Variants in ZNF335 observed in about 807,000 individuals in gnomAD.
ZNF335 encodes NRC-interacting factor 1.
ZNF335 carries 84 observed loss-of-function variants against 145.6 expected under a neutral mutation model. The ratio of observed to expected loss-of-function variants is 0.58; its 90% CI spans 0.48 to 0.69. The LOEUF (loss-of-function observed/expected upper bound fraction) is 0.69. Ranked by LOEUF, ZNF335 falls within the 30% of genes least tolerant of loss-of-function variation. The pLI is 0.00. For synonymous variants in ZNF335, 761 were observed against 717.0 expected, an observed-to-expected ratio of 1.06 and a Z score of -0.98; for missense variants, 1,865 against 1,809.7, an observed-to-expected ratio of 1.03 and a Z score of -0.55.
chr20:45,960,146 T>TCTGATCA, intron 14 of ZNF335, 62 bp downstream of exon 14: 1 of 1,585,074 alleles, frequency 6.3e-7, no homozygotes, highest in African/African-American at 1.3e-5. Context: ...GAGCTAAGCC[T>TCTGATCA]CTGATCAGGG....
intron 24 of ZNF335, 34 bp downstream of exon 24, chr20:45,949,766 C>T: frequency 6.2e-7 from 1 of 1,612,556 alleles, no homozygotes; most frequent in Non-Finnish European, 8.5e-7. Flanking sequence ...TAGGAGGTCA[C>T]AGCTGAGGGG....
Position 45,952,267 on chromosome 20 carries a change from G to A in ZNF335, c.3069C>T (p.Ile1023=). 1 of 1,613,508 alleles carries A rather than the reference G, an allele frequency of 6.2e-7. No individual in the cohort carries two copies. Among genetic ancestry groups the A allele is most frequent in the South Asian group, 1.1e-5 (1 of 91,082 alleles). ...TAASKKFSCK[I]CAEAFPGRAE... ...CTCGGCCAGGGAAGGCCTCGGCACAGATCTTGCAGGAAAACTTCTTTGATG... is the reference window on the plus strand; with the variant it reads ...CTCGGCCAGGGAAGGCCTCGGCACAAATCTTGCAGGAAAACTTCTTTGATG... The change falls in exon 20 of 28, where the codon ATC becomes ATT. Residue 1023 remains isoleucine, a synonymous_variant. Transcript: ENST00000322927.
At chr20:45,966,252 G>C (rs555912804) in intron 6 of ZNF335, among the ~76,000 whole-genome samples, 1 of 146,574 alleles carries the variant, frequency 6.8e-6, no homozygotes, top group Non-Finnish European at 1.5e-5. Context: ...TTTTTTTTTT[G>C]GTATTTTAGT....
intron 11 of ZNF335, 56 bp downstream of exon 11, chr20:45,960,808 C>A: frequency 1.2e-6 from 2 of 1,613,608 alleles, no homozygotes; most frequent in Non-Finnish European, 1.7e-6. Flanking sequence ...CTTGTCCTCA[C>A]CCCCATAAAC....
chr20:45,971,173 C>T (rs778451664), intron 2 of ZNF335, 37 bp downstream of exon 2: 60 of 1,488,628 alleles, frequency 4.0e-5, no homozygotes, highest in Non-Finnish European at 5.1e-5. Context: ...TGCTCGCGGT[C>T]CTTGCCTCCA....
intron 7 of ZNF335, chr20:45,964,281 C>T: frequency 2.8e-6 from 1 of 354,654 alleles, no homozygotes; most frequent in Non-Finnish European, 5.1e-6. Flanking sequence ...CTGTCACTGA[C>T]ATGCTGTGCA....
chr20:45,965,321 C>G (rs149180594), intron 7 of ZNF335, among the ~76,000 whole-genome samples: 2 of 152,214 alleles, frequency 1.3e-5, no homozygotes, highest in East Asian at 3.9e-4. Context: ...ACTTATTCCT[C>G]TCTTCTCATT....
chr20:45,950,636 A>T, intron 20 of ZNF335, 41 bp from the exon 21 acceptor site: 1 of 1,600,122 alleles, frequency 6.2e-7, no homozygotes, highest in Non-Finnish European at 8.6e-7. Flanking sequence ...CTGGGTCAGG[A>T]CAGATGGCAA....
chr20:45,952,458 G>A lies in ZNF335; in HGVS notation c.2878C>T (p.Pro960Ser). 1.3e-6 allele frequency: 2 copies of A among 1,563,538 alleles called. No individual in the cohort carries two copies. Among genetic ancestry groups the A allele is most frequent in the Non-Finnish European group, 1.7e-6 (2 of 1,151,782 alleles). ...PDALASGAKW[P>S]LLQCGGLPRD... ...GGCAGTCCCCCACACTGCAGCAGGG[G>A]CCATTTGGCACCAGAGGCCAGAGCA... The change falls in exon 20 of 28, where the codon CCC (proline) becomes TCC (serine). Residue 960 changes from proline (P) to serine (S), a missense_variant. Pro to Ser is a moderately conservative substitution (Grantham distance 74, BLOSUM62 -1). Coordinates refer to ENST00000322927, the MANE Select transcript of ZNF335 (RefSeq NM_022095.4).
intron 17 of ZNF335, among the ~76,000 whole-genome samples, chr20:45,954,768 T>C (rs1239415211): frequency 7.6e-6 from 1 of 130,772 alleles, no homozygotes; most frequent in Non-Finnish European, 1.6e-5. Context: ...GTCATACAAT[T>C]ACTTTTTTTT....
Position 45,957,595 on chromosome 20 carries a change from T to A in ZNF335, c.2433A>T (p.Thr811=), listed in dbSNP as rs2083752135. The part of the protein sequence containing the change: ...NMSAQRELGG[T]ALQVAVVKSE... ...TTCCCAGGCAGCTCACCTGCAGGGC[T>A]GTGCCCCCCAGTTCCCGCTGAGCAC... The change falls in exon 17 of 28, where the codon ACA becomes ACT. Residue 811 remains threonine (T), a synonymous_variant. Coordinates refer to ENST00000322927, the MANE Select transcript of ZNF335 (RefSeq NM_022095.4). 2 of 1,614,072 alleles carry A rather than the reference T, an allele frequency of 1.2e-6. No individual in the cohort carries two copies. Among genetic ancestry groups the A allele is most frequent in the Non-Finnish European group, 1.7e-6 (2 of 1,179,972 alleles).
chr20:45,949,900 A>T, intron 23 of ZNF335, 23 bp from the exon 24 acceptor site: 1 of 1,614,112 alleles, frequency 6.2e-7, no homozygotes, highest in Non-Finnish European at 8.5e-7. Context: ...AGACAGCTCT[A>T]GCCTCATTTC....
intron 2 of ZNF335, 117 bp from the exon 3 acceptor site, chr20:45,969,808 C>T (rs762485601): frequency 7.2e-7 from 1 of 1,398,508 alleles, no homozygotes; most frequent in Admixed American, 2.2e-5. Context: ...GTCAGTGGAG[C>T]CACTCATGCC....
At chr20:45,957,385 G>A (rs1027224425) in intron 17 of ZNF335, among the ~76,000 whole-genome samples, 6 of 152,182 alleles carry the variant, frequency 3.9e-5, no homozygotes, top group African/African-American at 1.4e-4. Context: ...GAGAATGGAC[G>A]GGATACCCTG....
chr20:45,960,441 G>A lies in ZNF335; in HGVS notation c.1859+8C>T. On this transcript the variant is annotated splice_region_variant and intron_variant, in intron 13 of 27. Transcript: ENST00000322927. ...CTCCCGTCCCCAGGGGCCTCCAAGG[G>A]GATGTACCTGCGGTTGGCAACAGCC... 6.2e-7 allele frequency: 1 copy of A among 1,614,180 alleles called. No homozygotes were observed. Among genetic ancestry groups the A allele is most frequent in the Non-Finnish European group, 8.5e-7 (1 of 1,180,020 alleles).
At chr20:45,967,417 G>A in intron 6 of ZNF335, 77 bp downstream of exon 6, 1 of 1,609,238 alleles carries the variant, frequency 6.2e-7, no homozygotes, top group Non-Finnish European at 8.5e-7. Flanking sequence ...CCTCTTTACT[G>A]GCCCTCCAAG....
Position 45,959,507 on chromosome 20 carries a change from C to G in ZNF335, c.2021-74G>C, listed in dbSNP as rs41305807. 47,292 of 1,149,184 alleles carry G rather than the reference C, an allele frequency of 0.041. 1,142 individuals carry two copies. Among genetic ancestry groups the G allele is most frequent in the African/African-American group, 0.072 (4,462 of 62,184 alleles). The allele number at this position is 1,149,184 out of a possible 1,614,324, so 71.2% of individuals were successfully genotyped here. A position where few individuals can be genotyped will look rare whatever the true frequency, so the allele number is the denominator to read the frequency against. The stretch of plus-strand genomic sequence containing the variant: ...CCCCCTCCAGGAATCCTTTCTTGAC[C>G]CTAAGGATCTCTCCAACTGACTGAC... On this transcript the variant is annotated intron_variant, in intron 14 of 27. Coordinates refer to ENST00000322927, the MANE Select transcript of ZNF335 (RefSeq NM_022095.4).
At chr20:45,966,827 A>G in intron 6 of ZNF335, 1 of 150,256 alleles carries the variant, frequency 6.7e-6, no homozygotes, top group Non-Finnish European at 1.5e-5. Flanking sequence ...TGCTGGGATT[A>G]CAGGAGTGAG....
Position 45,969,435 on chromosome 20 carries a change from C to T in ZNF335, c.442+16G>A. 2.0e-6 allele frequency: 3 copies of T among 1,503,988 alleles called. No individual in the cohort carries two copies. Among genetic ancestry groups the T allele is most frequent in the South Asian group, 1.3e-5 (1 of 75,824 alleles). The allele number at this position is 1,503,988 out of a possible 1,614,324, so 93.2% of individuals were successfully genotyped here. ...ACTGCAGGAAAACCCCTGTGGGGCT[C>T]CTCTGCCTGACTCACTCTGGATGAG... is the stretch of plus-strand genomic sequence containing the variant. On this transcript the variant is annotated intron_variant, in intron 3 of 27. Transcript: ENST00000322927.
Sources: allele counts gnomAD v4.1 joint callset (sites outside exome capture counted in the v4.1 genomes callset), GRCh38; gene constraint gnomAD v4.1.1; transcripts MANE v1.5; gene names NCBI Gene and HGNC (gene_info 2026-07-23, HGNC 2026-07-21).